SLC2A13: variants seen among roughly 807,000 people sequenced by gnomAD.
SLC2A13 encodes the protein proton myo-inositol cotransporter.
A neutral mutation model predicts 64.4 loss-of-function variants in SLC2A13; 32 were observed. The ratio of observed to expected loss-of-function variants is 0.50; its 90% confidence interval spans 0.37 to 0.67. The LOEUF (loss-of-function observed/expected upper bound fraction) is 0.67. Ranked by LOEUF, SLC2A13 falls within the 30% of genes least tolerant of loss-of-function variation. The pLI, the probability that SLC2A13 is intolerant of heterozygous loss-of-function variation, is 0.00. For missense variants in SLC2A13, 743 were observed against 829.2 expected (o/e 0.90, Z 1.28); for synonymous variants, 338 against 327.1 (o/e 1.03, Z -0.36).
chr12:40,029,970 A>G (rs1324511972), intron 2 of SLC2A13, among the ~76,000 whole-genome samples: 3 of 152,302 alleles, frequency 2.0e-5, no homozygotes, highest in African/African-American at 7.2e-5. Context: ...TAGCTATCCC[A>G]ATCAATTGCT....
rs550101333 is a variant in SLC2A13 at position 39,755,892 on chromosome 12, T to G, written c.*4134A>C. 127 of 152,122 alleles carry G rather than the reference T, an allele frequency of 8.3e-4. 1 individual carries two copies. Among genetic ancestry groups the G allele is most frequent in the African/African-American group, 3.0e-3 (125 of 41,560 alleles). The allele number at this position is 152,122 out of a possible 1,614,324, so 9.4% of individuals were successfully genotyped here. A position where few individuals can be genotyped will look rare whatever the true frequency, so the allele number is the denominator to read the frequency against. On this transcript the variant is annotated 3_prime_UTR_variant, in exon 10 of 10. Transcript: ENST00000280871. ...CATGAACTTCTGAACATCAACACTC[T>G]TATAAAACACCTCTTTGATGATTAC...
chr12:39,807,874 G>C (rs79581674), intron 7 of SLC2A13, among the ~76,000 whole-genome samples: 3,261 of 152,190 alleles, frequency 0.021, 44 homozygotes, highest in South Asian at 0.033. Context: ...ATCAAATGCT[G>C]TTTGCTTAAA....
chr12:39,849,627 G>GTGCTACAATTTCTGT (rs1943413874), intron 6 of SLC2A13, among the ~76,000 whole-genome samples: 1 of 152,094 alleles, frequency 6.6e-6, no homozygotes, highest in Non-Finnish European at 1.5e-5. Context: ...TCTTTGTTTA[G>GTGCTACAATTTCTGT]TGCTACAATT....
At chr12:39,812,865 C>T (rs1398695999) in intron 7 of SLC2A13, among the ~76,000 whole-genome samples, 1 of 140,516 alleles carries the variant, frequency 7.1e-6, no homozygotes, top group Admixed American at 7.2e-5. Flanking sequence ...GATAGAGTCT[C>T]ACTCTGTCAC....
At chr12:39,846,324 C>T (rs1362150264) in intron 6 of SLC2A13, among the ~76,000 whole-genome samples, 2 of 152,164 alleles carry the variant, frequency 1.3e-5, no homozygotes, top group Non-Finnish European at 2.9e-5. Flanking sequence ...AGGAGCATCA[C>T]ATTTTAATTG....
chr12:40,015,706 C>T (rs1438725230), intron 3 of SLC2A13, among the ~76,000 whole-genome samples: 1 of 152,152 alleles, frequency 6.6e-6, no homozygotes, highest in Non-Finnish European at 1.5e-5. Context: ...TGTGTTCCTT[C>T]ATCAGCATGT....
chr12:39,974,108 T>C (rs572085933), intron 3 of SLC2A13, among the ~76,000 whole-genome samples: 1 of 149,294 alleles, frequency 6.7e-6, no homozygotes, highest in East Asian at 2.0e-4. Context: ...CAGCACTTGC[T>C]GTTTTCCACA....
intron 3 of SLC2A13, among the ~76,000 whole-genome samples, chr12:40,022,612 G>T (rs1309250862): frequency 6.6e-6 from 1 of 152,168 alleles, no homozygotes; most frequent in Non-Finnish European, 1.5e-5. Context: ...CAAGGCAGGT[G>T]GATCACTTGA....
chr12:40,046,906 C>CT lies in SLC2A13; in HGVS notation c.716+1144dup, dbSNP rs146609362. ...TCATATTGCACCTTTTTCTTTCTTTCTTTTTTTTTTTTTGAGATGGAGTCT... is the reference window on the plus strand; with the variant it reads ...TCATATTGCACCTTTTTCTTTCTTTCTTTTTTTTTTTTTTGAGATGGAGTCT... On this transcript the variant is annotated intron_variant, in intron 2 of 9. Transcript: ENST00000280871. Among the ~76,000 whole-genome samples the CT allele has an allele frequency of 5.1e-3, 744 of 144,904 alleles. 6 individuals are homozygous for CT. The highest frequency in any genetic ancestry group is 0.029 in the East Asian group (145 of 5,024).
intron 3 of SLC2A13, among the ~76,000 whole-genome samples, chr12:39,998,875 A>T (rs1177113835): frequency 6.6e-6 from 1 of 152,300 alleles, no homozygotes; most frequent in South Asian, 2.1e-4. Context: ...CTCATCTTGA[A>T]TTCCCACATG....
At chr12:39,913,978 A>G (rs952907743) in intron 4 of SLC2A13, among the ~76,000 whole-genome samples, 1 of 152,080 alleles carries the variant, frequency 6.6e-6, no homozygotes, top group African/African-American at 2.4e-5. Context: ...AAAGTCTCCA[A>G]AGAATCAACC....
chr12:40,040,200 T>A (rs1368516749), intron 2 of SLC2A13, among the ~76,000 whole-genome samples: 1 of 152,232 alleles, frequency 6.6e-6, no homozygotes, highest in East Asian at 1.9e-4. Context: ...GTAAGTATGT[T>A]CACTGCTACT....
chr12:40,104,937 C>T (rs887909519), intron 1 of SLC2A13, among the ~76,000 whole-genome samples: 6 of 152,198 alleles, frequency 3.9e-5, no homozygotes, highest in African/African-American at 1.4e-4. Context: ...AAGGAAAGAG[C>T]TGGTGCTCAG....
At chr12:40,055,828 C>T (rs544012951) in intron 1 of SLC2A13, among the ~76,000 whole-genome samples, 1 of 152,078 alleles carries the variant, frequency 6.6e-6, no homozygotes, top group East Asian at 1.9e-4. Context: ...ACTCATACAG[C>T]ATTTTCCTTC....
chr12:39,843,384 A>C (rs1943225392), intron 6 of SLC2A13, among the ~76,000 whole-genome samples: 1 of 152,068 alleles, frequency 6.6e-6, no homozygotes, highest in Non-Finnish European at 1.5e-5. Flanking sequence ...AATACTTCTT[A>C]CAGTAGTGAT....
At chr12:40,031,480 C>T (rs1205290538) in intron 2 of SLC2A13, among the ~76,000 whole-genome samples, 3 of 152,186 alleles carry the variant, frequency 2.0e-5, no homozygotes, top group Non-Finnish European at 4.4e-5. Flanking sequence ...CTTGGCCTCC[C>T]AAAGTGCTGG....
chr12:39,933,642 T>C (rs1276008867), intron 4 of SLC2A13, among the ~76,000 whole-genome samples: 1 of 152,212 alleles, frequency 6.6e-6, no homozygotes, highest in Non-Finnish European at 1.5e-5. Context: ...TGGTCTCCTG[T>C]GAAGGGTGCC....
chr12:40,082,095 A>G (rs1294026280), intron 1 of SLC2A13, among the ~76,000 whole-genome samples: 1 of 152,148 alleles, frequency 6.6e-6, no homozygotes, highest in Non-Finnish European at 1.5e-5. Flanking sequence ...GTAACACTCC[A>G]ATGCAGTCTG....
intron 4 of SLC2A13, among the ~76,000 whole-genome samples, chr12:39,911,727 T>C (rs1945435712): frequency 1.3e-5 from 2 of 151,998 alleles, no homozygotes; most frequent in South Asian, 4.1e-4. Context: ...ATCAAAGAAA[T>C]TACTGACCAC....
Sources: gnomAD v4.1 joint callset for allele counts (sites outside exome capture counted in the v4.1 genomes callset) on GRCh38, gnomAD v4.1.1 for gene constraint, MANE v1.5 for transcripts, NCBI Gene and HGNC (gene_info 2026-07-23, HGNC 2026-07-21) for gene names.